The following NRXN1 variants were observed in gnomAD, a reference collection of about 807,000 sequenced individuals.
NRXN1 encodes neurexin 1.
A neutral mutation model predicts 150.9 loss-of-function variants in NRXN1; 39 were observed. The ratio of observed to expected loss-of-function variants is 0.26; its 90% CI spans 0.20 to 0.34. The LOEUF (loss-of-function observed/expected upper bound fraction) is 0.34. Ranked by LOEUF, NRXN1 falls within the 10% of genes least tolerant of loss-of-function variation. The probability of loss-of-function intolerance (pLI) is 1.00; values close to 1 mark genes in which losing one functional copy is unlikely to be tolerated. For missense variants in NRXN1, 1,815 were observed against 1,949.9 expected (o/e 0.93, Z 1.30); for synonymous variants, 924 against 757.0 (o/e 1.22, Z -3.62).
chr2:49,978,530 T>G (rs1679400316), intron 21 of NRXN1, among the ~76,000 whole-genome samples: 1 of 152,078 alleles, frequency 6.6e-6, no homozygotes, highest in African/African-American at 2.4e-5. Flanking sequence ...GCCTGTGGTG[T>G]TCAGGGTTAG....
At chr2:50,778,137 C>G (rs536860512) in intron 5 of NRXN1, among the ~76,000 whole-genome samples, 1 of 152,200 alleles carries the variant, frequency 6.6e-6, no homozygotes, top group African/African-American at 2.4e-5. Flanking sequence ...ACACTTTTAG[C>G]AGCATCAGAA....
chr2:50,078,993 G>A (rs1025803509), intron 19 of NRXN1, among the ~76,000 whole-genome samples: 2 of 152,012 alleles, frequency 1.3e-5, no homozygotes, highest in African/African-American at 4.8e-5. Context: ...GGATTCTAAC[G>A]ATGAATTCCT....
At chr2:49,973,379 GA>G (rs1309551653) in intron 21 of NRXN1, among the ~76,000 whole-genome samples, 1 of 151,940 alleles carries the variant, frequency 6.6e-6, no homozygotes, top group Non-Finnish European at 1.5e-5. Context: ...TTTAATCACT[GA>G]TCACTAATAC....
chr2:50,118,503 C>A (rs1703390877), intron 18 of NRXN1, among the ~76,000 whole-genome samples: 1 of 150,798 alleles, frequency 6.6e-6, no homozygotes, highest in Admixed American at 6.6e-5. Flanking sequence ...CTATGACATT[C>A]TAATTGGTGT....
chr2:50,871,460 ATAT>A (rs1677770518), intron 5 of NRXN1, among the ~76,000 whole-genome samples: 1 of 151,884 alleles, frequency 6.6e-6, no homozygotes, highest in African/African-American at 2.4e-5. Context: ...AAGTTCTAAA[ATAT>A]TATGATCTCC....
At chr2:50,314,634 G>A (rs2075445008) in intron 17 of NRXN1, among the ~76,000 whole-genome samples, 1 of 151,398 alleles carries the variant, frequency 6.6e-6, no homozygotes, top group South Asian at 2.1e-4. Context: ...TTTTTTTAAT[G>A]CCACTAAACC....
At chr2:50,247,850 T>C (rs1026241172) in intron 17 of NRXN1, among the ~76,000 whole-genome samples, 1 of 152,174 alleles carries the variant, frequency 6.6e-6, no homozygotes, top group Non-Finnish European at 1.5e-5. Context: ...GTTAATTTCC[T>C]GGTTTTAATC....
intron 19 of NRXN1, among the ~76,000 whole-genome samples, chr2:50,072,974 C>T (rs980754263): frequency 6.6e-6 from 1 of 152,166 alleles, no homozygotes. Context: ...TATTTTTGGC[C>T]TGCTTTTTAC....
chr2:50,531,460 C>T (rs753209629), intron 10 of NRXN1, 30 bp from the exon 11 acceptor site: 1 of 1,548,572 alleles, frequency 6.5e-7, no homozygotes, highest in Non-Finnish European at 8.9e-7. Context: ...ATGATAAGTT[C>T]TTGGATGGTA....
chr2:50,772,210 C>A (rs1703095455), intron 5 of NRXN1, among the ~76,000 whole-genome samples: 1 of 151,740 alleles, frequency 6.6e-6, no homozygotes, highest in South Asian at 2.1e-4. Flanking sequence ...GCAACCCAAC[C>A]TCACCTAAAA....
At chr2:50,820,951 A>C (rs561219662) in intron 5 of NRXN1, among the ~76,000 whole-genome samples, 10 of 152,330 alleles carry the variant, frequency 6.6e-5, no homozygotes, top group African/African-American at 2.2e-4. Context: ...GTGGAAAACC[A>C]TATCTACATT....
At chr2:50,089,738 T>G (rs1028757829) in intron 19 of NRXN1, among the ~76,000 whole-genome samples, 2 of 151,260 alleles carry the variant, frequency 1.3e-5, no homozygotes, top group East Asian at 3.9e-4. Context: ...TACAGTGAGC[T>G]ATGACTGCCA....
intron 5 of NRXN1, among the ~76,000 whole-genome samples, chr2:50,876,458 T>A (rs956101154): frequency 1.3e-5 from 2 of 151,844 alleles, no homozygotes; most frequent in African/African-American, 4.8e-5. Flanking sequence ...TTACTATATA[T>A]TTCCCACTGT....
intron 5 of NRXN1, among the ~76,000 whole-genome samples, chr2:50,668,000 C>T (rs1688316247): frequency 6.6e-6 from 1 of 152,012 alleles, no homozygotes; most frequent in Non-Finnish European, 1.5e-5. Context: ...ATACATCACT[C>T]ATCAATGATG....
chr2:50,229,097 C>A (rs1219760104), intron 18 of NRXN1, among the ~76,000 whole-genome samples: 1 of 152,030 alleles, frequency 6.6e-6, no homozygotes, highest in Non-Finnish European at 1.5e-5. Context: ...TTTATGTCTA[C>A]TATTAACTTG....
chr2:50,329,617 GTA>G (rs1172739306), intron 17 of NRXN1, among the ~76,000 whole-genome samples: 56 of 13,976 alleles, frequency 4.0e-3, no homozygotes, highest in South Asian at 8.5e-3. Context: ...GTGTGTGTGT[GTA>G]TATATATATA....
At chr2:50,516,379 C>T (rs994717971) in intron 12 of NRXN1, among the ~76,000 whole-genome samples, 2 of 152,102 alleles carry the variant, frequency 1.3e-5, no homozygotes, top group African/African-American at 4.8e-5. Context: ...AAGTTTTGTG[C>T]TTATTTATTT....
At chr2:50,199,917 C>T (rs925127294) in intron 18 of NRXN1, among the ~76,000 whole-genome samples, 3 of 152,092 alleles carry the variant, frequency 2.0e-5, no homozygotes, top group Admixed American at 2.0e-4. Flanking sequence ...TAGAACACTA[C>T]AATTTTATTA....
chr2:50,295,482 CA>C (rs763635256), intron 17 of NRXN1, among the ~76,000 whole-genome samples: 6 of 151,318 alleles, frequency 4.0e-5, no homozygotes, highest in East Asian at 1.9e-4. Flanking sequence ...CCATCTTTAG[CA>C]AAAAAAATCA....
Sources: gnomAD v4.1 joint callset for allele counts (sites outside exome capture counted in the v4.1 genomes callset) on GRCh38, gnomAD v4.1.1 for gene constraint, MANE v1.5 for transcripts, NCBI Gene and HGNC (gene_info 2026-07-23, HGNC 2026-07-21) for gene names.